The following GPRC5C variants were observed in gnomAD, a reference collection of about 807,000 sequenced individuals.
GPRC5C encodes G protein-coupled receptor family C group 5 member C.
GPRC5C carries 22 observed loss-of-function variants against 31.4 expected under a neutral mutation model. The observed-to-expected ratio is 0.70, with a 90% CI of 0.50 to 1.00. GPRC5C has a LOEUF of 1.00. Among genes scored for constraint, GPRC5C ranks in the 50% least tolerant of loss-of-function variants. GPRC5C has a pLI of 0.00. For missense variants in GPRC5C, 557 were observed against 597.2 expected, an observed-to-expected ratio of 0.93 and a Z score of 0.70; for synonymous variants, 249 against 257.5, an observed-to-expected ratio of 0.97 and a Z score of 0.32.
At chr17:74,443,460 G>C (rs2055574923) in intron 2 of GPRC5C, 1 of 393,674 alleles carries the variant, frequency 2.5e-6, no homozygotes. Flanking sequence ...GAAGGCGGCC[G>C]AAGGCCCATG....
chr17:74,443,524 CAG>C (rs1427713637), intron 2 of GPRC5C: 5 of 558,644 alleles, frequency 9.0e-6, no homozygotes, highest in East Asian at 8.2e-5. Context: ...AAGTTGCTGA[CAG>C]AGCATTTTCT....
In GPRC5C at chr17:74,438,206, CATATATATATATATATATATATATATAT is replaced by C. The variant is rs71157066; in HGVS notation, c.-32-1520_-32-1493del. ...CATGCCACCACACTCTCTGCTAATTCATATATATATATATATATATATATATATATATATATATATATATATTTGTTGT... is the reference window on the plus strand; with the variant it reads ...CATGCCACCACACTCTCTGCTAATTCATATATATATATATATATTTGTTGT... On this transcript the variant is annotated intron_variant, in intron 1 of 3. Coordinates refer to ENST00000392627, the MANE Select transcript of GPRC5C (RefSeq NM_022036.4). Among the ~76,000 whole-genome samples, 50 of 45,276 alleles carry C rather than the reference CATATATATATATATATATATATATATAT, an allele frequency of 1.1e-3. 2 individuals are homozygous for C. Among genetic ancestry groups the C allele is most frequent in the Middle Eastern group, 0.015 (1 of 66 alleles). The allele number at this position is 45,276 out of a possible 152,430, so 29.7% of individuals were successfully genotyped here. A position where few individuals can be genotyped will look rare whatever the true frequency, so the allele number is the denominator to read the frequency against.
intron 1 of GPRC5C, among the ~76,000 whole-genome samples, chr17:74,436,248 G>A (rs1242062977): frequency 6.6e-6 from 1 of 152,056 alleles, no homozygotes; most frequent in Non-Finnish European, 1.5e-5. Flanking sequence ...GGGCTCAAAG[G>A]GCTTTGATTC....
downstream of GPRC5C, chr17:74,447,557 A>G (rs866892246): frequency 1.2e-5 from 2 of 167,296 alleles, no homozygotes; most frequent in African/African-American, 4.8e-5. Flanking sequence ...GCTGCTGCAG[A>G]TTTTTCCTGT....
downstream of GPRC5C, chr17:74,449,297 G>C (rs1340863588): frequency 5.6e-6 from 7 of 1,242,994 alleles, no homozygotes; most frequent in East Asian, 5.6e-5. Context: ...CCACGCAGTA[G>C]AGTCCCCTTT....
chr17:74,433,890 T>C (rs2055392759), intron 1 of GPRC5C: 1 of 787,014 alleles, frequency 1.3e-6, no homozygotes, highest in African/African-American at 1.7e-5. Flanking sequence ...GGAGTTTTGC[T>C]CTGGAGAAGT....
Position 74,440,339 on chromosome 17 carries a change from C to T in GPRC5C, c.563C>T (p.Pro188Leu). 1 of 1,614,192 alleles carries T rather than the reference C, an allele frequency of 6.2e-7. No homozygotes were observed. Among genetic ancestry groups the T allele is most frequent in the East Asian group, 2.2e-5 (1 of 44,884 alleles). ...TLVRGSGEGG[P>L]QGNSSAGWAV... Reference sequence around the variant, plus strand: ...GTTCGGGGCAGTGGCGAGGGCGGCCCTCAGGGCAACAGCAGCGCAGGCTGG... The same window carrying T: ...GTTCGGGGCAGTGGCGAGGGCGGCCTTCAGGGCAACAGCAGCGCAGGCTGG... The change falls in exon 2 of 4, where the codon CCT becomes CTT. Residue 188 changes from proline to leucine, a missense_variant. By Grantham distance (98) the Pro-to-Leu change is moderately conservative. Transcript: ENST00000392627. This position sits in a 1 kb window ranked among gnomAD's most constrained non-coding sequence, Gnocchi z 4.4.
Position 74,440,672 on chromosome 17 carries a change from AG to A in GPRC5C, c.898del (p.Val300SerfsTer4), listed in dbSNP as rs771597532. 6.2e-7 allele frequency: 1 copy of A among 1,607,972 alleles called. No homozygotes were observed. ...TTCGTCCTCTTCTACGTCATCCCCGAGGTCTCCCAGGTGACCAAGTCCAGCC... is the reference window on the plus strand; with the variant it reads ...TTCGTCCTCTTCTACGTCATCCCCGAGTCTCCCAGGTGACCAAGTCCAGCC... ...WAFVLFYVIPEVSQVTKSSPE... is the reference protein window; with the variant it reads ...WAFVLFYVIPXVSQVTKSSPE... On this transcript the variant is annotated frameshift_variant, in exon 2 of 4. Coordinates refer to ENST00000392627, the MANE Select transcript of GPRC5C (RefSeq NM_022036.4). LOFTEE classifies it high-confidence loss of function. This position sits in a 1 kb window ranked among gnomAD's most constrained non-coding sequence, Gnocchi z 4.4.
chr17:74,448,646 TAGGGTTAC>T (rs1200624658), downstream of GPRC5C, among the ~76,000 whole-genome samples: 1 of 152,194 alleles, frequency 6.6e-6, no homozygotes, highest in African/African-American at 2.4e-5. Context: ...CCTGGAGTAC[TAGGGTTAC>T]AGGCATGATC....
chr17:74,447,820 C>A (rs1325708952), downstream of GPRC5C, among the ~76,000 whole-genome samples: 3 of 152,170 alleles, frequency 2.0e-5, no homozygotes, highest in Non-Finnish European at 4.4e-5. Flanking sequence ...TTCAGCTTCT[C>A]CTGGGATGAA....
chr17:74,444,144 C>T (rs1202495557), intron 3 of GPRC5C, among the ~76,000 whole-genome samples: 2 of 152,178 alleles, frequency 1.3e-5, no homozygotes, highest in African/African-American at 4.8e-5. Context: ...TGGGACCCGC[C>T]CTGTGTCACT....
chr17:74,447,842 A>G (rs939345298), downstream of GPRC5C, among the ~76,000 whole-genome samples: 2 of 152,180 alleles, frequency 1.3e-5, no homozygotes, highest in Non-Finnish European at 2.9e-5. Context: ...GACAGTGAAG[A>G]TCCCATAGCG....
chr17:74,439,708 G>C, intron 1 of GPRC5C, 37 bp from the exon 2 acceptor site: 1 of 1,555,758 alleles, frequency 6.4e-7, no homozygotes, highest in African/African-American at 1.4e-5. Context: ...GTCTGATCTT[G>C]GAGGACTAAT....
Position 74,440,229 on chromosome 17 carries a change from C to G in GPRC5C, c.453C>G (p.Pro151=). Residue 151 remains proline, a synonymous_variant, in exon 2 of 4, where the codon CCC becomes CCG. Transcript: ENST00000392627. The surrounding 1 kb of genome is among the most constrained non-coding windows in gnomAD (Gnocchi z 4.4). ...LNFLARKNHG[P]RGWVIFTVAL... ...TCCTGGCCCGGAAGAACCACGGGCC[C>G]CGGGGCTGGGTGATCTTCACTGTGG... 6.2e-7 allele frequency: 1 copy of G among 1,614,222 alleles called. No homozygotes were observed. Among genetic ancestry groups the G allele is most frequent in the South Asian group, 1.1e-5 (1 of 91,090 alleles).
chr17:74,436,010 ATC>A (rs2055426807), intron 1 of GPRC5C, among the ~76,000 whole-genome samples: 1 of 152,074 alleles, frequency 6.6e-6, no homozygotes, highest in Non-Finnish European at 1.5e-5. Context: ...CCCCCAACAA[ATC>A]GATTGCCTGT....
At chr17:74,433,362 T>C (rs977809379) in intron 1 of GPRC5C, among the ~76,000 whole-genome samples, 2 of 151,924 alleles carry the variant, frequency 1.3e-5, no homozygotes, top group African/African-American at 2.4e-5. Context: ...GCTCAGGGCA[T>C]TTTGGCCCAA....
Position 74,447,280 on chromosome 17 carries a change from C to CATTTA in GPRC5C, c.*253_*254insTTTAA, listed in dbSNP as rs1158718421. On this transcript the variant is annotated 3_prime_UTR_variant, in exon 4 of 4. Transcript: ENST00000392627. ...ATCACCTCGGCGGTCACACTCCAGC[C>CATTTA]AAATAGTGTTCTCGGGGTGGTGGCT... is the stretch of plus-strand genomic sequence containing the variant. 1.6e-6 allele frequency: 2 copies of CATTTA among 1,261,060 alleles called. No individual in the cohort carries two copies. Among genetic ancestry groups the CATTTA allele is most frequent in the Non-Finnish European group, 2.0e-6 (2 of 999,822 alleles). The allele number at this position is 1,261,060 out of a possible 1,614,324, so 78.1% of individuals were successfully genotyped here. A position where few individuals can be genotyped will look rare whatever the true frequency, so the allele number is the denominator to read the frequency against.
At position 74,440,280 on chromosome 17, in the gene GPRC5C, C is replaced by T. The variant is rs762354061; in HGVS notation, c.504C>T (p.Val168=). The change falls in exon 2 of 4, where the codon GTC becomes GTT. Residue 168 remains valine (V), a synonymous_variant. Transcript: ENST00000392627. The surrounding 1 kb of genome is among the most constrained non-coding windows in gnomAD (Gnocchi z 4.4). ...TVALLLTLVE[V]IINTEWLIIT... ...CTCTGCTGCTGACCCTGGTAGAGGT[C>T]ATCATCAATACAGAGTGGCTGATCA... 1 of 1,614,164 alleles carries T rather than the reference C, an allele frequency of 6.2e-7. No individual in the cohort carries two copies. The highest frequency in any genetic ancestry group is 8.5e-7 in the Non-Finnish European group (1 of 1,180,020).
At chr17:74,435,131 A>C (rs1598426491) in intron 1 of GPRC5C, among the ~76,000 whole-genome samples, 1 of 152,020 alleles carries the variant, frequency 6.6e-6, no homozygotes, top group Admixed American at 6.5e-5. Context: ...AGGCAGGAGA[A>C]TGGCATGAAC....
Sources: gnomAD v4.1 joint callset for allele counts (sites outside exome capture counted in the v4.1 genomes callset) on GRCh38, gnomAD v4.1.1 for gene constraint, Gnocchi (gnomAD v3.1) non-coding constraint, MANE v1.5 for transcripts, NCBI Gene and HGNC (gene_info 2026-07-23, HGNC 2026-07-21) for gene names.